Variants in ROBO1 observed in about 807,000 individuals in gnomAD.
ROBO1 encodes the protein roundabout guidance receptor 1.
ROBO1 carries 149 observed loss-of-function variants against 195.9 expected under a neutral mutation model. That is an observed-to-expected ratio of 0.76 (90% CI 0.67 to 0.87). The LOEUF (loss-of-function observed/expected upper bound fraction) is 0.87, where lower values mean the gene tolerates loss of function less well. Ranked by LOEUF, ROBO1 falls within the 40% of genes least tolerant of loss-of-function variation. ROBO1 has a pLI of 0.00. For missense variants in ROBO1, 1,933 were observed against 2,068.3 expected, an observed-to-expected ratio of 0.93 and a Z score of 1.27; for synonymous variants, 816 against 733.2, an observed-to-expected ratio of 1.11 and a Z score of -1.82.
At chr3:79,091,401 G>A (rs1271677124) in intron 3 of ROBO1, among the ~76,000 whole-genome samples, 3 of 151,974 alleles carry the variant, frequency 2.0e-5, no homozygotes, top group Non-Finnish European at 4.4e-5. Context: ...TGATCTGTAC[G>A]TTAGTCTTGC....
intron 2 of ROBO1, among the ~76,000 whole-genome samples, chr3:79,147,391 T>G (rs1170373372): frequency 2.0e-5 from 3 of 151,988 alleles, no homozygotes; most frequent in Non-Finnish European, 4.4e-5. Flanking sequence ...GTGAGTTTTC[T>G]TTTTAGTAAA....
chr3:79,456,959 T>G (rs948545932), intron 2 of ROBO1, among the ~76,000 whole-genome samples: 10 of 152,140 alleles, frequency 6.6e-5, no homozygotes, highest in African/African-American at 2.4e-4. Flanking sequence ...ATCCCTACAC[T>G]CCAGAGTTAA....
intron 3 of ROBO1, among the ~76,000 whole-genome samples, chr3:79,003,679 A>T (rs1226421826): frequency 3.3e-5 from 5 of 152,184 alleles, no homozygotes; most frequent in Non-Finnish European, 7.4e-5. Context: ...CTATTGACAT[A>T]ATCCATTCAA....
At chr3:79,672,884 C>T (rs959729812) in intron 1 of ROBO1, among the ~76,000 whole-genome samples, 5 of 151,936 alleles carry the variant, frequency 3.3e-5, no homozygotes, top group Non-Finnish European at 7.4e-5. Context: ...ATGTCATATT[C>T]AACAGCATGT....
chr3:79,036,999 CT>C, intron 3 of ROBO1, among the ~76,000 whole-genome samples: 1 of 152,136 alleles, frequency 6.6e-6, no homozygotes, highest in East Asian at 1.9e-4. Flanking sequence ...CAGGATGGCT[CT>C]AAAGAGTATA....
chr3:78,817,691 T>C (rs1242841577), intron 4 of ROBO1, among the ~76,000 whole-genome samples: 1 of 152,194 alleles, frequency 6.6e-6, no homozygotes, highest in Non-Finnish European at 1.5e-5. Flanking sequence ...AAAGATTTTT[T>C]TGAATAAAAA....
rs540364296 is a variant in ROBO1 at position 78,932,251 on chromosome 3, T to C, written c.499+6350A>G. Among the ~76,000 whole-genome samples, 3 of 152,298 alleles carry C rather than the reference T, an allele frequency of 2.0e-5. No homozygotes were observed. The East Asian group carries it at 5.8e-4, about 29-fold the overall frequency. On this transcript the variant is annotated intron_variant, in intron 4 of 30. Coordinates refer to ENST00000464233, the MANE Select transcript of ROBO1 (RefSeq NM_002941.4). The stretch of plus-strand genomic sequence containing the variant: ...TATTAGTTTTTAAAGACAGTACTGT[T>C]GATACAAGGAGACACTGCCAAGAAT...
At chr3:79,392,450 G>A (rs1380300820) in intron 2 of ROBO1, among the ~76,000 whole-genome samples, 1 of 152,080 alleles carries the variant, frequency 6.6e-6, no homozygotes, top group African/African-American at 2.4e-5. Context: ...CACCCATGGA[G>A]AAAAATGTCA....
At chr3:79,454,532 A>G (rs1215057101) in intron 2 of ROBO1, among the ~76,000 whole-genome samples, 3 of 152,136 alleles carry the variant, frequency 2.0e-5, no homozygotes, top group Admixed American at 6.6e-5. Context: ...TCAAATTTCT[A>G]GTGATGCATT....
intron 1 of ROBO1, among the ~76,000 whole-genome samples, chr3:79,758,171 G>T (rs917007689): frequency 6.6e-6 from 1 of 151,978 alleles, no homozygotes; most frequent in South Asian, 2.1e-4. Context: ...ATTTTACTGT[G>T]AGTCTATTCT....
At chr3:79,098,258 A>G (rs1031695247) in intron 3 of ROBO1, among the ~76,000 whole-genome samples, 2 of 151,800 alleles carry the variant, frequency 1.3e-5, no homozygotes, top group Admixed American at 1.3e-4. Context: ...CCTTATGTTT[A>G]ACTGGGGTTC....
At chr3:79,536,582 C>G (rs886403961) in intron 2 of ROBO1, among the ~76,000 whole-genome samples, 10 of 152,064 alleles carry the variant, frequency 6.6e-5, no homozygotes, top group African/African-American at 2.4e-4. Context: ...TTTTTCAAAG[C>G]ATTTGTTGTA....
intron 2 of ROBO1, among the ~76,000 whole-genome samples, chr3:79,543,783 A>C (rs1026438914): frequency 6.6e-6 from 1 of 152,066 alleles, no homozygotes; most frequent in African/African-American, 2.4e-5. Context: ...TACTATATTC[A>C]TTGGCAGGCC....
At chr3:78,699,858 C>T (rs1421736615) in intron 8 of ROBO1, among the ~76,000 whole-genome samples, 1 of 151,858 alleles carries the variant, frequency 6.6e-6, no homozygotes, top group African/African-American at 2.4e-5. Flanking sequence ...CCCCTTTCAC[C>T]CATATAATTA....
At chr3:78,744,238 A>C (rs2082601808) in intron 5 of ROBO1, among the ~76,000 whole-genome samples, 1 of 152,166 alleles carries the variant, frequency 6.6e-6, no homozygotes, top group African/African-American at 2.4e-5. Flanking sequence ...AAACACATCC[A>C]GTCTGTTAGC....
chr3:79,488,944 T>G (rs920393942), intron 2 of ROBO1, among the ~76,000 whole-genome samples: 2 of 152,088 alleles, frequency 1.3e-5, no homozygotes, highest in African/African-American at 4.8e-5. Context: ...GCCTTGAGTC[T>G]CCAAAGTCAG....
intron 4 of ROBO1, among the ~76,000 whole-genome samples, chr3:78,827,551 G>C (rs181153556): frequency 2.6e-5 from 4 of 152,124 alleles, no homozygotes; most frequent in Non-Finnish European, 5.9e-5. Flanking sequence ...GGGTTTTCCA[G>C]AGAAAAAGAA....
chr3:79,235,943 T>C (rs868628768), intron 2 of ROBO1, among the ~76,000 whole-genome samples: 3 of 152,096 alleles, frequency 2.0e-5, no homozygotes, highest in Non-Finnish European at 4.4e-5. Flanking sequence ...GACAACAATA[T>C]AGCATATTGT....
chr3:79,190,152 A>C (rs528141278), intron 2 of ROBO1, among the ~76,000 whole-genome samples: 1 of 151,766 alleles, frequency 6.6e-6, no homozygotes, highest in Non-Finnish European at 1.5e-5. Flanking sequence ...AATATATTTT[A>C]ACTAAAATTT....
Sources: gnomAD v4.1 joint callset for allele counts (sites outside exome capture counted in the v4.1 genomes callset) on GRCh38, gnomAD v4.1.1 for gene constraint, MANE v1.5 for transcripts, NCBI Gene and HGNC (gene_info 2026-07-23, HGNC 2026-07-21) for gene names.